The following DPP10 variants were observed in gnomAD, a reference collection of about 807,000 sequenced individuals.
DPP10 encodes the protein dipeptidyl peptidase like 10.
A neutral mutation model predicts 120.9 loss-of-function variants in DPP10; 33 were observed. The observed-to-expected ratio is 0.27, with a 90% CI of 0.21 to 0.37. DPP10 has a LOEUF of 0.37. Ranked by LOEUF, DPP10 falls within the 10% of genes least tolerant of loss-of-function variation. The pLI, the probability that DPP10 is intolerant of heterozygous loss-of-function variation, is 1.00. For synonymous variants in DPP10, 337 were observed against 326.1 expected, an observed-to-expected ratio of 1.03 and a Z score of -0.36; for missense variants, 816 against 942.8, an observed-to-expected ratio of 0.87 and a Z score of 1.76.
intron 1 of DPP10, among the ~76,000 whole-genome samples, chr2:115,135,778 G>A (rs1191963349): frequency 6.6e-6 from 1 of 152,126 alleles, no homozygotes; most frequent in Non-Finnish European, 1.5e-5. Context: ...AATCTTACAT[G>A]TTTTACACAT....
chr2:115,421,015 A>G (rs116964094), intron 3 of DPP10, among the ~76,000 whole-genome samples: 5 of 152,072 alleles, frequency 3.3e-5, no homozygotes, highest in Non-Finnish European at 5.9e-5. Flanking sequence ...ATTGGAAGCA[A>G]TGCAAACACA....
At chr2:115,046,382 A>G (rs1378647543) in intron 1 of DPP10, among the ~76,000 whole-genome samples, 1 of 152,196 alleles carries the variant, frequency 6.6e-6, no homozygotes. Flanking sequence ...TGAAGCTTAA[A>G]TAGATTCTTA....
intron 1 of DPP10, among the ~76,000 whole-genome samples, chr2:114,647,254 T>A (rs1427696393): frequency 6.6e-6 from 1 of 152,176 alleles, no homozygotes; most frequent in Non-Finnish European, 1.5e-5. Flanking sequence ...GTTTTGGGTG[T>A]AGGGGGAGAA....
intron 7 of DPP10, among the ~76,000 whole-genome samples, chr2:115,704,750 A>G (rs1308750346): frequency 6.6e-6 from 1 of 151,986 alleles, no homozygotes; most frequent in African/African-American, 2.4e-5. Flanking sequence ...CATCATTATA[A>G]TCTGGAACTG....
intron 1 of DPP10, among the ~76,000 whole-genome samples, chr2:115,055,665 T>C (rs1473628477): frequency 6.6e-6 from 1 of 152,068 alleles, no homozygotes; most frequent in Non-Finnish European, 1.5e-5. Context: ...TGTCCAAGAG[T>C]AGTTTGAAGA....
At chr2:115,748,510 T>C (rs1324167674) in intron 10 of DPP10, among the ~76,000 whole-genome samples, 1 of 152,066 alleles carries the variant, frequency 6.6e-6, no homozygotes, top group Non-Finnish European at 1.5e-5. Flanking sequence ...AAGATAAATA[T>C]AGAAAGATTT....
At chr2:114,855,408 T>C (rs1221132171) in intron 1 of DPP10, among the ~76,000 whole-genome samples, 1 of 152,150 alleles carries the variant, frequency 6.6e-6, no homozygotes, top group African/African-American at 2.4e-5. Context: ...TTAAGACATA[T>C]TCTTATACTC....
chr2:115,208,753 A>G (rs2056321157), intron 1 of DPP10, among the ~76,000 whole-genome samples: 1 of 152,146 alleles, frequency 6.6e-6, no homozygotes, highest in African/African-American at 2.4e-5. Context: ...CAGTGGCAGG[A>G]CGTCCTGCCC....
At chr2:115,617,466 G>C (rs2084609590) in intron 5 of DPP10, among the ~76,000 whole-genome samples, 1 of 151,260 alleles carries the variant, frequency 6.6e-6, no homozygotes, top group African/African-American at 2.4e-5. Context: ...ATACATATAT[G>C]TATGCATAAC....
At chr2:115,546,466 C>A (rs1409363087) in intron 5 of DPP10, among the ~76,000 whole-genome samples, 1 of 152,036 alleles carries the variant, frequency 6.6e-6, no homozygotes, top group Non-Finnish European at 1.5e-5. Flanking sequence ...TATTTTCTTT[C>A]TTTTCCATTC....
intron 1 of DPP10, among the ~76,000 whole-genome samples, chr2:115,194,061 G>A (rs1355516059): frequency 6.6e-6 from 1 of 152,160 alleles, no homozygotes; most frequent in Non-Finnish European, 1.5e-5. Flanking sequence ...GGGTCAGTAA[G>A]CTACTTTTTG....
intron 1 of DPP10, among the ~76,000 whole-genome samples, chr2:114,577,105 G>A (rs564641005): frequency 4.6e-5 from 7 of 152,292 alleles, no homozygotes; most frequent in South Asian, 4.1e-4. Context: ...AAGTTGGCAG[G>A]ACTGCAGAAT....
intron 1 of DPP10, among the ~76,000 whole-genome samples, chr2:114,827,517 A>G (rs533781368): frequency 1.1e-4 from 16 of 152,246 alleles, no homozygotes; most frequent in African/African-American, 1.7e-4. Flanking sequence ...ATAATTGTCT[A>G]TATCTAGTAA....
intron 1 of DPP10, among the ~76,000 whole-genome samples, chr2:115,112,825 C>G (rs1291632194): frequency 1.3e-5 from 2 of 152,118 alleles, no homozygotes; most frequent in African/African-American, 4.8e-5. Context: ...ATTTTGGCAG[C>G]ATTCTCTTCT....
intron 3 of DPP10, among the ~76,000 whole-genome samples, chr2:115,492,828 C>A (rs1011225463): frequency 6.6e-6 from 1 of 151,842 alleles, no homozygotes; most frequent in South Asian, 2.1e-4. Context: ...TAAAAAAGAT[C>A]GAAAGGAATT....
chr2:115,183,497 G>T (rs1050607577), intron 1 of DPP10, among the ~76,000 whole-genome samples: 1 of 152,156 alleles, frequency 6.6e-6, no homozygotes, highest in African/African-American at 2.4e-5. Flanking sequence ...GCAGGGACTG[G>T]ACTTTCTTCA....
intron 1 of DPP10, among the ~76,000 whole-genome samples, chr2:114,531,613 T>TAC (rs1491223870): frequency 7.0e-6 from 1 of 142,124 alleles, no homozygotes; most frequent in African/African-American, 2.5e-5. Flanking sequence ...TATATATATA[T>TAC]ACCTATACAC....
intron 1 of DPP10, among the ~76,000 whole-genome samples, chr2:115,253,394 T>G (rs2058836287): frequency 6.6e-6 from 1 of 152,146 alleles, no homozygotes; most frequent in Admixed American, 6.5e-5. Flanking sequence ...TACAAAAATC[T>G]TGTCCCAATA....
At chr2:115,723,387 C>CAA (rs1199479147) in intron 7 of DPP10, among the ~76,000 whole-genome samples, 40 of 152,060 alleles carry the variant, frequency 2.6e-4, no homozygotes. Flanking sequence ...GAAATTTTTC[C>CAA]AAGTCAACTT....
Sources: gnomAD v4.1 joint callset for allele counts (sites outside exome capture counted in the v4.1 genomes callset) on GRCh38, gnomAD v4.1.1 for gene constraint, MANE v1.5 for transcripts, NCBI Gene and HGNC (gene_info 2026-07-23, HGNC 2026-07-21) for gene names.